Variants in SULF1 observed in about 807,000 individuals in gnomAD.
SULF1 encodes the protein extracellular sulfatase Sulf-1.
A neutral mutation model predicts 110.5 loss-of-function variants in SULF1; 46 were observed. That is an observed-to-expected ratio of 0.42 (90% CI 0.33 to 0.53). The LOEUF (loss-of-function observed/expected upper bound fraction) is 0.53, where lower values mean the gene tolerates loss of function less well. SULF1 is among the 20% of genes least tolerant of loss of function. The pLI, the probability that SULF1 is intolerant of heterozygous loss-of-function variation, is 0.12. For missense variants in SULF1, 941 were observed against 1,094.2 expected, an observed-to-expected ratio of 0.86 and a Z score of 1.98; for synonymous variants, 371 against 387.1, an observed-to-expected ratio of 0.96 and a Z score of 0.49.
At chr8:69,632,508 C>T (rs1322634037) in intron 19 of SULF1, among the ~76,000 whole-genome samples, 2 of 151,758 alleles carry the variant, frequency 1.3e-5, no homozygotes, top group Non-Finnish European at 2.9e-5. Flanking sequence ...TGCTGTATTC[C>T]TCATATTTGC....
chr8:69,595,138 T>A (rs1032150959), intron 8 of SULF1, among the ~76,000 whole-genome samples: 2 of 152,156 alleles, frequency 1.3e-5, no homozygotes, highest in African/African-American at 2.4e-5. Context: ...GATACTACAA[T>A]TCCGTAGTTT....
intron 6 of SULF1, among the ~76,000 whole-genome samples, chr8:69,581,007 C>A (rs1259408108): frequency 6.6e-6 from 1 of 152,016 alleles, no homozygotes; most frequent in African/African-American, 2.4e-5. Context: ...GATGTAGATT[C>A]TTGATACATG....
At position 69,659,626 on chromosome 8, in the gene SULF1, A is replaced by G. The variant is rs1812982976; in HGVS notation, c.*1091A>G. 1 of 174,114 alleles carries G rather than the reference A, an allele frequency of 5.7e-6. No homozygotes were observed. The highest frequency in any genetic ancestry group is 2.4e-5 in the African/African-American group (1 of 41,804). The allele number at this position is 174,114 out of a possible 1,614,324, so 10.8% of individuals were successfully genotyped here. On this transcript the variant is annotated 3_prime_UTR_variant, in exon 23 of 23. Transcript: ENST00000402687. Reference sequence around the variant, plus strand: ...GAATATCGTAGGGACATAAGTATATACATGTTATCCAATCAAGATGGCTAG... The same window carrying G: ...GAATATCGTAGGGACATAAGTATATGCATGTTATCCAATCAAGATGGCTAG...
rs533891977 is a variant in SULF1 at position 69,467,762 on chromosome 8, C to T, written c.-391+812C>T. ...CCGGCTAAGTGAAGTGTTAATTAAA[C>T]GTAAATAGATTTTCAGGTTTGGTTA... On this transcript the variant is annotated intron_variant, in intron 1 of 22. Transcript: ENST00000260128. Among the ~76,000 whole-genome samples, 7 of 152,200 alleles carry T rather than the reference C, an allele frequency of 4.6e-5. No individual in the cohort carries two copies. The South Asian group carries it at 1.0e-3, about 23-fold the overall frequency.
chr8:69,624,644 G>C (rs1019376916), intron 15 of SULF1, among the ~76,000 whole-genome samples: 1 of 152,140 alleles, frequency 6.6e-6, no homozygotes, highest in Non-Finnish European at 1.5e-5. Context: ...ACTCAGAAAC[G>C]AAACACAGTC....
intron 3 of SULF1, among the ~76,000 whole-genome samples, chr8:69,506,580 C>T (rs1013221927): frequency 1.3e-5 from 2 of 152,198 alleles, no homozygotes; most frequent in Non-Finnish European, 2.9e-5. Flanking sequence ...GCAGGCTCCT[C>T]TCTCCTCCCA....
At chr8:69,548,517 G>A (rs946739364) in intron 3 of SULF1, among the ~76,000 whole-genome samples, 1 of 149,696 alleles carries the variant, frequency 6.7e-6, no homozygotes, top group African/African-American at 2.5e-5. Flanking sequence ...GCATGATCTC[G>A]GCTCACTGCA....
At chr8:69,500,313 C>A (rs1810704836) in intron 2 of SULF1, among the ~76,000 whole-genome samples, 1 of 152,120 alleles carries the variant, frequency 6.6e-6, no homozygotes, top group South Asian at 2.1e-4. Context: ...GGGGTAGATA[C>A]CATTTTAAAT....
At chr8:69,478,334 A>T (rs1439272988) in intron 1 of SULF1, among the ~76,000 whole-genome samples, 1 of 152,024 alleles carries the variant, frequency 6.6e-6, no homozygotes, top group Non-Finnish European at 1.5e-5. Context: ...ATATCACTCC[A>T]CTACTCTAAA....
At chr8:69,632,997 GAC>G (rs758219687) in intron 19 of SULF1, among the ~76,000 whole-genome samples, 1 of 150,172 alleles carries the variant, frequency 6.7e-6, no homozygotes, top group Non-Finnish European at 1.5e-5. Flanking sequence ...CAGCCTGGGT[GAC>G]AGAGTGAGAC....
At chr8:69,483,275 G>A (rs1343557185) in intron 1 of SULF1, among the ~76,000 whole-genome samples, 1 of 152,128 alleles carries the variant, frequency 6.6e-6, no homozygotes, top group African/African-American at 2.4e-5. Context: ...AACTCATAAT[G>A]ATTTATTAAT....
At chr8:69,515,351 C>G (rs149331502) in intron 3 of SULF1, among the ~76,000 whole-genome samples, 18 of 152,336 alleles carry the variant, frequency 1.2e-4, no homozygotes, top group Non-Finnish European at 2.2e-4. Context: ...ATGGTCCAAG[C>G]TTTATCTTGG....
At chr8:69,651,265 C>A (rs930640676) in intron 22 of SULF1, among the ~76,000 whole-genome samples, 2 of 152,020 alleles carry the variant, frequency 1.3e-5, no homozygotes, top group African/African-American at 2.4e-5. Context: ...GTTGGCCAGG[C>A]TGGTCTTGAA....
At chr8:69,501,407 T>C (rs1407439888) in intron 2 of SULF1, among the ~76,000 whole-genome samples, 2 of 152,190 alleles carry the variant, frequency 1.3e-5, no homozygotes, top group Non-Finnish European at 2.9e-5. Context: ...TATAAACAAA[T>C]TTTACCACTT....
At chr8:69,610,080 A>C (rs1808525478) in intron 13 of SULF1, among the ~76,000 whole-genome samples, 1 of 152,248 alleles carries the variant, frequency 6.6e-6, no homozygotes, top group Admixed American at 6.5e-5. Context: ...TTGTTTTGAT[A>C]GGGCAAATAT....
chr8:69,495,964 G>A (rs759015060), intron 2 of SULF1, 38 bp downstream of exon 2: 1 of 152,210 alleles, frequency 6.6e-6, no homozygotes, highest in Non-Finnish European at 1.5e-5. Context: ...GATGACAACT[G>A]GAAGAATTTT....
At chr8:69,566,380 A>C (rs983405812) in intron 5 of SULF1, among the ~76,000 whole-genome samples, 1 of 152,176 alleles carries the variant, frequency 6.6e-6, no homozygotes, top group Non-Finnish European at 1.5e-5. Flanking sequence ...GCCTTGTCCT[A>C]TAGTTCATTT....
At chr8:69,487,326 T>A (rs1467222518) in intron 1 of SULF1, among the ~76,000 whole-genome samples, 1 of 152,240 alleles carries the variant, frequency 6.6e-6, no homozygotes, top group East Asian at 1.9e-4. Flanking sequence ...AAATGAGCTG[T>A]CATTTTAGCA....
chr8:69,484,485 T>C (rs16935938), intron 1 of SULF1, among the ~76,000 whole-genome samples: 4,760 of 152,268 alleles, frequency 0.031, 263 homozygotes, highest in African/African-American at 0.11. Context: ...CTCAACTTTA[T>C]AGTAAAGCAC....
Sources: allele counts gnomAD v4.1 joint callset (sites outside exome capture counted in the v4.1 genomes callset), GRCh38; gene constraint gnomAD v4.1.1; transcripts MANE v1.5; gene names NCBI Gene and HGNC (gene_info 2026-07-23, HGNC 2026-07-21).